Variants in SENP1 observed in about 807,000 individuals in gnomAD.
The protein encoded by SENP1 is sentrin-specific protease 1.
Under a neutral mutation model 93.0 loss-of-function variants are expected in SENP1, and 21 were observed. The observed-to-expected ratio is 0.23, with a 90% CI of 0.16 to 0.33. SENP1 has a LOEUF of 0.33. SENP1 is among the 10% of genes least tolerant of loss of function. SENP1 has a pLI of 1.00. For missense variants in SENP1, 591 were observed against 758.7 expected (o/e 0.78, Z 2.60); for synonymous variants, 256 against 259.6 (o/e 0.99, Z 0.13).
chr12:48,074,202 A>G (rs563702086), intron 8 of SENP1, 122 bp downstream of exon 8: 47 of 877,044 alleles, frequency 5.4e-5, no homozygotes, highest in Admixed American at 1.3e-4. Flanking sequence ...TTCGGACTTC[A>G]TATTTTCAGA....
chr12:48,078,334 T>TATATATATATATATATATATACATAC, intron 6 of SENP1, among the ~76,000 whole-genome samples: 2 of 67,894 alleles, frequency 2.9e-5, no homozygotes, highest in African/African-American at 4.9e-5. Context: ...TATATATATA[T>TATATATATATATATATATATACATAC]ACACACACAT....
Position 48,049,214 on chromosome 12 carries a change from A to G in SENP1, c.1408-82T>C, listed in dbSNP as rs1220229769. On this transcript the variant is annotated intron_variant, in intron 13 of 17. Coordinates refer to ENST00000549518, the MANE Select transcript of SENP1 (RefSeq NM_001267594.2). ...AGTTGCAGTTGCTGTGTTGAATAGC[A>G]TATGTAATTGTTTCCTAATAAACTG... 7.1e-6 allele frequency: 7 copies of G among 986,448 alleles called. No homozygotes were observed. In the East Asian group the frequency reaches 1.2e-4, roughly 17 times the overall value. 61.1% of individuals were successfully genotyped at this position (986,448 alleles called of 1,614,324 possible).
intron 13 of SENP1, among the ~76,000 whole-genome samples, chr12:48,063,081 T>C (rs547095017): frequency 6.6e-6 from 1 of 152,174 alleles, no homozygotes; most frequent in Non-Finnish European, 1.5e-5. Flanking sequence ...TACCTACAGG[T>C]TTAGGCTTAG....
At chr12:48,096,452 T>A in intron 3 of SENP1, 25 bp from the exon 4 acceptor site, 2 of 1,505,176 alleles carry the variant, frequency 1.3e-6, no homozygotes, top group Non-Finnish European at 1.8e-6. Flanking sequence ...AGATTTTTCT[T>A]AAGTCACATT....
chr12:48,105,696 A>C, intron 1 of SENP1: 2 of 460,302 alleles, frequency 4.3e-6, no homozygotes, highest in Non-Finnish European at 8.0e-6. Flanking sequence ...AAGCCCCGGA[A>C]TCGCAACCGG....
At chr12:48,050,428 G>A (rs1471465416) in intron 13 of SENP1, among the ~76,000 whole-genome samples, 1 of 152,154 alleles carries the variant, frequency 6.6e-6, no homozygotes, top group Admixed American at 6.5e-5. Flanking sequence ...AACCACACTC[G>A]CCATGAGGCA....
chr12:48,075,009 C>T (rs1054764233), intron 6 of SENP1, among the ~76,000 whole-genome samples: 2 of 151,886 alleles, frequency 1.3e-5, no homozygotes, highest in East Asian at 3.9e-4. Context: ...AAGTTCAAAA[C>T]CAGCCCAGTC....
In SENP1 at chr12:48,047,069, G is replaced by A. The variant is rs752331995; in HGVS notation, c.1692-7C>T. 2.2e-5 allele frequency: 34 copies of A among 1,579,970 alleles called. No homozygotes were observed. In the South Asian group the frequency reaches 2.9e-4, roughly 13 times the overall value. On this transcript the variant is annotated splice_polypyrimidine_tract_variant and splice_region_variant and intron_variant, in intron 15 of 17. Coordinates refer to ENST00000549518, the MANE Select transcript of SENP1 (RefSeq NM_001267594.2). Reference sequence around the variant, plus strand: ...TTCTTGCTTTAGGTATTGCCTAAAGGTATCAGGAGAGAATGAGATAAGCAG... The same window carrying A: ...TTCTTGCTTTAGGTATTGCCTAAAGATATCAGGAGAGAATGAGATAAGCAG...
intron 13 of SENP1, among the ~76,000 whole-genome samples, chr12:48,057,232 A>C (rs988860108): frequency 1.4e-5 from 2 of 143,252 alleles, no homozygotes; most frequent in African/African-American, 5.1e-5. Context: ...AAAATACATT[A>C]TATATATATT....
intron 14 of SENP1, among the ~76,000 whole-genome samples, chr12:48,048,465 T>A (rs2136756136): frequency 1.3e-5 from 2 of 152,356 alleles, no homozygotes; most frequent in East Asian, 3.9e-4. Context: ...TTCTTTATAT[T>A]GAGAAGTTCC....
At chr12:48,088,742 T>C in intron 5 of SENP1, 59 bp downstream of exon 5, 5 of 1,481,180 alleles carry the variant, frequency 3.4e-6, no homozygotes, top group Non-Finnish European at 4.6e-6. Context: ...ATCTACCTTT[T>C]AGTCACTTTC....
intron 2 of SENP1, among the ~76,000 whole-genome samples, chr12:48,099,599 T>A (rs997710868): frequency 6.6e-6 from 1 of 152,028 alleles, no homozygotes; most frequent in African/African-American, 2.4e-5. Context: ...GCGGATCACT[T>A]ACTTGAGGCC....
intron 4 of SENP1, among the ~76,000 whole-genome samples, chr12:48,093,288 T>TG (rs1426246493): frequency 6.6e-6 from 1 of 150,546 alleles, no homozygotes; most frequent in Admixed American, 6.6e-5. Context: ...AGGTTTTTTT[T>TG]TTTTTTTTTT....
At chr12:48,073,197 T>A in intron 8 of SENP1, among the ~76,000 whole-genome samples, 1 of 152,170 alleles carries the variant, frequency 6.6e-6, no homozygotes, top group East Asian at 1.9e-4. Context: ...CAGTGCAATG[T>A]AGTATATTTG....
At chr12:48,081,136 G>C (rs550756610) in intron 6 of SENP1, among the ~76,000 whole-genome samples, 1 of 152,084 alleles carries the variant, frequency 6.6e-6, no homozygotes, top group Non-Finnish European at 1.5e-5. Flanking sequence ...CGAGGGTTAG[G>C]AGCCCTGTAC....
intron 5 of SENP1, among the ~76,000 whole-genome samples, chr12:48,086,151 T>A (rs569086398): frequency 2.0e-5 from 3 of 152,266 alleles, no homozygotes; most frequent in African/African-American, 7.2e-5. Flanking sequence ...ACAGACAAAT[T>A]CATTTGAAAC....
intron 9 of SENP1, among the ~76,000 whole-genome samples, chr12:48,069,259 T>G (rs949535269): frequency 6.7e-6 from 1 of 150,048 alleles, no homozygotes; most frequent in Non-Finnish European, 1.5e-5. Flanking sequence ...AGGATCAGAA[T>G]GTATAAAGGC....
At chr12:48,060,288 C>T (rs926756746) in intron 13 of SENP1, among the ~76,000 whole-genome samples, 1 of 152,168 alleles carries the variant, frequency 6.6e-6, no homozygotes, top group African/African-American at 2.4e-5. Context: ...TACTTGTATA[C>T]CTAAATTATA....
At chr12:48,098,996 T>C (rs928123130) in intron 2 of SENP1, 2 of 152,064 alleles carry the variant, frequency 1.3e-5, no homozygotes, top group Non-Finnish European at 2.9e-5. Flanking sequence ...TCAAAACTTG[T>C]ACACATATAA....
Sources: allele counts gnomAD v4.1 joint callset (sites outside exome capture counted in the v4.1 genomes callset), GRCh38; gene constraint gnomAD v4.1.1; transcripts MANE v1.5; gene names NCBI Gene and HGNC (gene_info 2026-07-23, HGNC 2026-07-21).